Variants in ELF2 observed in about 807,000 individuals in gnomAD.
The protein encoded by ELF2 is ETS-related transcription factor Elf-2.
In ELF2, 11 loss-of-function variants were observed where a neutral mutation model predicts 54.8. That is an observed-to-expected ratio of 0.20 (90% confidence interval 0.13 to 0.33). The LOEUF is 0.33. Among genes scored for constraint, ELF2 ranks in the 10% least tolerant of loss-of-function variants. ELF2 has a pLI of 1.00. For synonymous variants in ELF2, 203 were observed against 245.1 expected, an observed-to-expected ratio of 0.83 and a Z score of 1.61; for missense variants, 513 against 703.0, an observed-to-expected ratio of 0.73 and a Z score of 3.06.
chr4:139,127,509 A>T (rs1665976883), intron 3 of ELF2, among the ~76,000 whole-genome samples: 3 of 152,002 alleles, frequency 2.0e-5, no homozygotes, highest in African/African-American at 7.3e-5. Context: ...CTATTTTTTC[A>T]AAATAAAATA....
At chr4:139,074,771 A>C (rs1298407326) in intron 4 of ELF2, among the ~76,000 whole-genome samples, 2 of 151,770 alleles carry the variant, frequency 1.3e-5, no homozygotes, top group African/African-American at 4.8e-5. Context: ...AAAAAAAAAA[A>C]CAAAAAGAAA....
intron 1 of ELF2, 21 bp from the exon 2 acceptor site, chr4:139,139,518 A>G (rs1180432566): frequency 8.6e-7 from 1 of 1,169,582 alleles, no homozygotes; most frequent in Non-Finnish European, 1.1e-6. Flanking sequence ...GAGGGGAAAA[A>G]AGATAATATT....
Position 139,137,746 on chromosome 4 carries a change from T to C in ELF2, c.-45A>G. Reference sequence around the variant, plus strand: ...TTCAAACGCTATTAATCAATGAAATTAAAGGTTCACTGATGGTTGCCAGTG... The same window carrying C: ...TTCAAACGCTATTAATCAATGAAATCAAAGGTTCACTGATGGTTGCCAGTG... On this transcript the variant is annotated 5_prime_UTR_variant, in exon 3 of 10. Transcript: ENST00000686138. The C allele has an allele frequency of 6.2e-7, 1 of 1,610,792 alleles. No homozygotes were observed. Among genetic ancestry groups the C allele is most frequent in the South Asian group, 1.1e-5 (1 of 90,314 alleles).
At chr4:139,149,315 A>G (rs1385458654) in intron 1 of ELF2, among the ~76,000 whole-genome samples, 3 of 152,270 alleles carry the variant, frequency 2.0e-5, no homozygotes, top group Non-Finnish European at 4.4e-5. Flanking sequence ...AATTTTTTAA[A>G]AGAATATCAT....
At chr4:139,059,711 G>A in intron 9 of ELF2, 104 bp from the exon 10 acceptor site, 9 of 1,392,126 alleles carry the variant, frequency 6.5e-6, no homozygotes, top group Non-Finnish European at 8.7e-6. Flanking sequence ...TAAAATTAGT[G>A]CTCCCAAATT....
At chr4:139,116,483 A>G (rs1032859484) in intron 4 of ELF2, among the ~76,000 whole-genome samples, 2 of 152,236 alleles carry the variant, frequency 1.3e-5, no homozygotes, top group Non-Finnish European at 2.9e-5. Context: ...ATGGCAAGGG[A>G]TAATTCAGCA....
intron 4 of ELF2, among the ~76,000 whole-genome samples, chr4:139,087,493 T>A (rs1732102504): frequency 6.6e-6 from 1 of 152,138 alleles, no homozygotes; most frequent in Non-Finnish European, 1.5e-5. Context: ...TGAGACAGAG[T>A]CTCGCTCTGT....
chr4:139,169,540 G>C (rs1742057586), intron 1 of ELF2, among the ~76,000 whole-genome samples: 1 of 151,942 alleles, frequency 6.6e-6, no homozygotes, highest in Non-Finnish European at 1.5e-5. Flanking sequence ...AAACAATGAT[G>C]TAATCTTCCT....
chr4:139,073,438 T>C lies in ELF2; in HGVS notation c.352+16A>G, dbSNP rs768950515. The C allele has an allele frequency of 3.9e-6, 6 of 1,552,514 alleles. No individual in the cohort carries two copies. The East Asian group carries it at 1.4e-4, about 35-fold the overall frequency. ...TAGTATGACACGTTTAACATAAGAA[T>C]GAACAGTTTACATACCAGGACTTCT... is the stretch of plus-strand genomic sequence containing the variant. On this transcript the variant is annotated intron_variant, in intron 5 of 9. Coordinates refer to ENST00000686138, the MANE Select transcript of ELF2 (RefSeq NM_001331036.3).
intron 1 of ELF2, chr4:139,155,330 CCAGCT>C (rs1740418360): frequency 1.3e-5 from 2 of 152,258 alleles, no homozygotes; most frequent in South Asian, 4.1e-4. Context: ...AAGAGGTAAA[CCAGCT>C]CAGGTCAGAA....
Position 139,064,486 on chromosome 4 carries a change from T to C in ELF2, c.614-2429A>G, listed in dbSNP as rs182523992. ...CACCTTCAGTCAAAGTACTGATGTT[T>C]TGTCTCTGGCATTTCACTTTCATTG... is the stretch of plus-strand genomic sequence containing the variant. On this transcript the variant is annotated intron_variant, in intron 7 of 9. Transcript: ENST00000686138. Among the ~76,000 whole-genome samples, 455 of 152,320 alleles carry C rather than the reference T, an allele frequency of 3.0e-3. 1 individual carries two copies. The highest frequency in any genetic ancestry group is 0.011 in the African/African-American group (444 of 41,568).
chr4:139,104,276 G>A (rs979719713), intron 4 of ELF2, among the ~76,000 whole-genome samples: 2 of 152,100 alleles, frequency 1.3e-5, no homozygotes, highest in South Asian at 2.1e-4. Flanking sequence ...TTGGGAGGCC[G>A]AGGTGGGCAG....
intron 1 of ELF2, among the ~76,000 whole-genome samples, chr4:139,175,937 C>A (rs1742867014): frequency 6.6e-6 from 1 of 152,216 alleles, no homozygotes; most frequent in African/African-American, 2.4e-5. Flanking sequence ...ACTGTGCGAT[C>A]TGGATTATTC....
chr4:139,123,125 A>C (rs1287386644), intron 4 of ELF2, among the ~76,000 whole-genome samples: 2 of 151,232 alleles, frequency 1.3e-5, no homozygotes, highest in Non-Finnish European at 2.9e-5. Context: ...CAGGGGTTAC[A>C]GTGAGCCGAG....
chr4:139,116,646 T>C (rs1271070664), intron 4 of ELF2: 1 of 984,368 alleles, frequency 1.0e-6, no homozygotes, highest in Non-Finnish European at 1.2e-6. Flanking sequence ...AAAACCAACC[T>C]ACCAGCATTG....
intron 4 of ELF2, among the ~76,000 whole-genome samples, chr4:139,114,642 CTTTTTTTT>C (rs59282364): frequency 0.094 from 9,846 of 104,812 alleles, 448 homozygotes; most frequent in African/African-American, 0.15. Context: ...TTTTTTCTTT[CTTTTTTTT>C]TTTTTTTTTT....
intron 3 of ELF2, among the ~76,000 whole-genome samples, chr4:139,132,691 C>T (rs988746676): frequency 2.0e-5 from 3 of 151,802 alleles, no homozygotes; most frequent in East Asian, 1.9e-4. Flanking sequence ...CTTCATATGG[C>T]GGTAATGCTC....
At chr4:139,071,640 T>C (rs888699729) in intron 6 of ELF2, among the ~76,000 whole-genome samples, 6 of 152,114 alleles carry the variant, frequency 3.9e-5, no homozygotes, top group African/African-American at 1.4e-4. Context: ...TTAAATATCA[T>C]TGTCAGGCAA....
intron 6 of ELF2, among the ~76,000 whole-genome samples, chr4:139,069,556 G>A (rs146408549): frequency 2.0e-5 from 3 of 152,196 alleles, no homozygotes; most frequent in East Asian, 3.9e-4. Flanking sequence ...CTCATAAAGC[G>A]GCACGTCCAA....
Sources: gnomAD v4.1 joint callset for allele counts (sites outside exome capture counted in the v4.1 genomes callset) on GRCh38, gnomAD v4.1.1 for gene constraint, MANE v1.5 for transcripts, NCBI Gene and HGNC (gene_info 2026-07-23, HGNC 2026-07-21) for gene names.